The following AP3B1 variants were observed in gnomAD, a reference collection of about 807,000 sequenced individuals.
AP3B1 encodes AP-3 complex subunit beta-1.
Under a neutral mutation model 132.5 loss-of-function variants are expected in AP3B1, and 61 were observed. The observed-to-expected ratio is 0.46, with a 90% confidence interval of 0.37 to 0.57. AP3B1 has a LOEUF of 0.57. AP3B1 is among the 20% of genes least tolerant of loss of function. The probability of loss-of-function intolerance (pLI) is 0.00; values close to 1 mark genes in which losing one functional copy is unlikely to be tolerated. For missense variants in AP3B1, 1,120 were observed against 1,289.4 expected (o/e 0.87, Z 2.01); for synonymous variants, 388 against 438.3 (o/e 0.89, Z 1.43).
At chr5:78,223,140 A>G (rs1580507930) in intron 6 of AP3B1, among the ~76,000 whole-genome samples, 2 of 151,452 alleles carry the variant, frequency 1.3e-5, no homozygotes, top group African/African-American at 4.9e-5. Context: ...GATTACAGGC[A>G]TGAACAATGG....
chr5:78,200,577 T>C (rs1212575279), intron 7 of AP3B1, among the ~76,000 whole-genome samples: 3 of 152,252 alleles, frequency 2.0e-5, no homozygotes, highest in Non-Finnish European at 4.4e-5. Context: ...GAGGATCACT[T>C]GGTCCTGGGA....
intron 1 of AP3B1, among the ~76,000 whole-genome samples, chr5:78,287,014 A>C (rs10805918): frequency 0.54 from 82,203 of 152,008 alleles, 22,434 homozygotes; most frequent in Middle Eastern, 0.56. Context: ...TACACAAGTG[A>C]AATACTGTCA....
At chr5:78,128,780 T>G (rs1429704445) in intron 16 of AP3B1, among the ~76,000 whole-genome samples, 4 of 152,100 alleles carry the variant, frequency 2.6e-5, no homozygotes, top group Non-Finnish European at 5.9e-5. Flanking sequence ...AATAACTCAC[T>G]ATTAAAAGGA....
At chr5:78,198,073 T>C (rs1042540656) in intron 7 of AP3B1, among the ~76,000 whole-genome samples, 1 of 152,204 alleles carries the variant, frequency 6.6e-6, no homozygotes, top group African/African-American at 2.4e-5. Context: ...GGAATTATTA[T>C]TCTTTATCCT....
chr5:78,098,682 C>T (rs1751002769), intron 21 of AP3B1, among the ~76,000 whole-genome samples: 1 of 152,176 alleles, frequency 6.6e-6, no homozygotes, highest in Admixed American at 6.5e-5. Context: ...CTGAACAATG[C>T]TGCAATGAAA....
chr5:78,244,375 T>C (rs1747281113), intron 2 of AP3B1, among the ~76,000 whole-genome samples: 1 of 151,530 alleles, frequency 6.6e-6, no homozygotes, highest in Non-Finnish European at 1.5e-5. Context: ...ATCACGCCAC[T>C]GCACTCCAGC....
At chr5:78,254,594 A>T (rs1326609933) in intron 2 of AP3B1, among the ~76,000 whole-genome samples, 1 of 152,190 alleles carries the variant, frequency 6.6e-6, no homozygotes, top group East Asian at 1.9e-4. Flanking sequence ...TCAGAATAGT[A>T]TATCCAGTGA....
At chr5:78,212,239 C>A (rs920210445) in intron 7 of AP3B1, among the ~76,000 whole-genome samples, 26 of 152,120 alleles carry the variant, frequency 1.7e-4, no homozygotes, top group African/African-American at 6.3e-4. Flanking sequence ...CAAGAACGCA[C>A]CACTGCACCC....
chr5:78,021,475 T>C (rs920400702), intron 24 of AP3B1, among the ~76,000 whole-genome samples: 2 of 152,184 alleles, frequency 1.3e-5, no homozygotes, highest in Non-Finnish European at 2.9e-5. Context: ...AGTCTCATGA[T>C]ATTATGATCA....
chr5:78,205,618 G>C (rs1018676904), intron 7 of AP3B1, among the ~76,000 whole-genome samples: 9 of 152,156 alleles, frequency 5.9e-5, no homozygotes, highest in African/African-American at 1.9e-4. Context: ...TAAAGGAAAT[G>C]TTAAAAAAGC....
In AP3B1 at chr5:78,259,287, G is replaced by T. The variant is rs545250322; in HGVS notation, c.204+8233C>A. Among the ~76,000 whole-genome samples the T allele has an allele frequency of 7.8e-4, 118 of 151,606 alleles. 1 individual carries two copies. The highest frequency in any genetic ancestry group is 1.4e-3 in the Non-Finnish European group (97 of 67,872). ...AAAGAAAGAAAGACAAACATTTCAT[G>T]TTCTCACTTACTTGTGGGGTCTAAA... is the stretch of plus-strand genomic sequence containing the variant. On this transcript the variant is annotated intron_variant, in intron 2 of 26. Coordinates refer to ENST00000255194, the MANE Select transcript of AP3B1 (RefSeq NM_003664.5).
intron 12 of AP3B1, among the ~76,000 whole-genome samples, 167 bp from the exon 13 acceptor site, chr5:78,163,118 A>AT (rs944257518): frequency 1.3e-5 from 2 of 152,098 alleles, no homozygotes; most frequent in Non-Finnish European, 2.9e-5. Flanking sequence ...TTTTGTTTTG[A>AT]TTTTTTTACT....
At chr5:78,149,125 T>TA (rs369397558) in intron 14 of AP3B1, among the ~76,000 whole-genome samples, 2 of 151,870 alleles carry the variant, frequency 1.3e-5, no homozygotes, top group Non-Finnish European at 2.9e-5. Flanking sequence ...AAGGAAATAA[T>TA]AAAAAAAACC....
At chr5:78,230,850 G>A (rs780224887) in intron 3 of AP3B1, among the ~76,000 whole-genome samples, 1 of 152,172 alleles carries the variant, frequency 6.6e-6, no homozygotes, top group Non-Finnish European at 1.5e-5. Context: ...AGGCACGGTG[G>A]CTCACACCTG....
intron 1 of AP3B1, among the ~76,000 whole-genome samples, chr5:78,276,210 C>A (rs1208211719): frequency 6.6e-6 from 1 of 151,878 alleles, no homozygotes; most frequent in Non-Finnish European, 1.5e-5. Flanking sequence ...GGGCTACAGG[C>A]ATGTGCTACC....
chr5:78,006,343 CAGAT>C lies in AP3B1; in HGVS notation c.3132-3292_3132-3289del, dbSNP rs1746394116. Among the ~76,000 whole-genome samples the C allele has an allele frequency of 2.6e-5, 4 of 152,272 alleles. No homozygotes were observed. The South Asian group carries it at 8.3e-4, about 32-fold the overall frequency. Reference sequence around the variant, plus strand: ...ATAATAATTTGTTTTTATCAGTCAACAGATAAAGTTTTTCCCATTTACCTAATAT... The same window carrying C: ...ATAATAATTTGTTTTTATCAGTCAACAAAGTTTTTCCCATTTACCTAATAT... On this transcript the variant is annotated intron_variant, in intron 26 of 26. Coordinates refer to ENST00000255194, the MANE Select transcript of AP3B1 (RefSeq NM_003664.5).
At chr5:78,275,013 A>AC (rs1416466601) in intron 1 of AP3B1, among the ~76,000 whole-genome samples, 1 of 152,214 alleles carries the variant, frequency 6.6e-6, no homozygotes, top group Non-Finnish European at 1.5e-5. Context: ...TACCAGCCAT[A>AC]CCATCTCTGA....
At chr5:78,137,384 T>C (rs1418697158) in intron 15 of AP3B1, among the ~76,000 whole-genome samples, 2 of 152,184 alleles carry the variant, frequency 1.3e-5, no homozygotes, top group Non-Finnish European at 2.9e-5. Context: ...CTCCCAGATT[T>C]TGAGATTCTC....
chr5:78,035,465 T>C (rs918142819), intron 23 of AP3B1, among the ~76,000 whole-genome samples: 1 of 152,028 alleles, frequency 6.6e-6, no homozygotes, highest in African/African-American at 2.4e-5. Flanking sequence ...CTAGGGCTTC[T>C]TGGTAAGTAT....
Sources: allele counts gnomAD v4.1 joint callset (sites outside exome capture counted in the v4.1 genomes callset), GRCh38; gene constraint gnomAD v4.1.1; transcripts MANE v1.5; gene names NCBI Gene and HGNC (gene_info 2026-07-23, HGNC 2026-07-21).